PTPRD: variants seen among roughly 807,000 people sequenced by gnomAD.
PTPRD encodes the protein receptor-type tyrosine-protein phosphatase delta.
A neutral mutation model predicts 214.5 loss-of-function variants in PTPRD; 34 were observed. The ratio of observed to expected loss-of-function variants is 0.16; its 90% CI spans 0.12 to 0.21. The LOEUF is 0.21. PTPRD is among the 10% of genes least tolerant of loss of function. The probability of loss-of-function intolerance (pLI) is 1.00; values close to 1 mark genes in which losing one functional copy is unlikely to be tolerated. For synonymous variants in PTPRD, 1,128 were observed against 845.7 expected, an observed-to-expected ratio of 1.33 and a Z score of -5.79; for missense variants, 2,545 against 2,398.7, an observed-to-expected ratio of 1.06 and a Z score of -1.27.
chr9:8,354,220 G>C (rs2076405941), intron 39 of PTPRD, among the ~76,000 whole-genome samples: 1 of 150,914 alleles, frequency 6.6e-6, no homozygotes, highest in Non-Finnish European at 1.5e-5. Flanking sequence ...GTAATTATAA[G>C]GTGCTAGAAT....
At chr9:9,560,490 A>G (rs2082631048) in intron 8 of PTPRD, among the ~76,000 whole-genome samples, 1 of 152,176 alleles carries the variant, frequency 6.6e-6, no homozygotes, top group African/African-American at 2.4e-5. Context: ...CCACACTCAC[A>G]GGGAATCTGT....
At chr9:10,081,359 A>T (rs916288761) in intron 3 of PTPRD, among the ~76,000 whole-genome samples, 26 of 152,086 alleles carry the variant, frequency 1.7e-4, no homozygotes, top group African/African-American at 6.3e-4. Context: ...TTACAATTGG[A>T]CTGAACGCTT....
intron 37 of PTPRD, among the ~76,000 whole-genome samples, chr9:8,377,301 T>G (rs2083541414): frequency 6.6e-6 from 1 of 151,858 alleles, no homozygotes; most frequent in South Asian, 2.1e-4. Flanking sequence ...GGAAAAAGAG[T>G]TGTCTGTTCC....
chr9:10,246,276 T>G (rs1241226029), intron 3 of PTPRD, among the ~76,000 whole-genome samples: 1 of 152,190 alleles, frequency 6.6e-6, no homozygotes, highest in Non-Finnish European at 1.5e-5. Flanking sequence ...GGAGTTTCGC[T>G]CTTGTTGCCC....
intron 11 of PTPRD, among the ~76,000 whole-genome samples, chr9:8,980,055 A>G (rs938659443): frequency 6.6e-6 from 1 of 152,178 alleles, no homozygotes; most frequent in Non-Finnish European, 1.5e-5. Context: ...CCTCAAAAAA[A>G]GAAGGAAATC....
chr9:9,863,766 G>A (rs2063312090), intron 5 of PTPRD, among the ~76,000 whole-genome samples: 1 of 151,210 alleles, frequency 6.6e-6, no homozygotes, highest in Non-Finnish European at 1.5e-5. Flanking sequence ...ACTTCAGAAA[G>A]ACACTCTCTT....
intron 3 of PTPRD, among the ~76,000 whole-genome samples, chr9:10,096,867 T>C (rs1241926755): frequency 6.6e-6 from 1 of 152,046 alleles, no homozygotes; most frequent in Non-Finnish European, 1.5e-5. Flanking sequence ...GTTTTTATGC[T>C]TTTAGGTCTA....
intron 14 of PTPRD, among the ~76,000 whole-genome samples, chr9:8,582,045 A>C (rs949483985): frequency 5.3e-5 from 8 of 152,068 alleles, no homozygotes; most frequent in African/African-American, 1.9e-4. Context: ...GAGGGCACTG[A>C]TAACTTTCTA....
At position 9,347,657 on chromosome 9, in the gene PTPRD, A is replaced by T. The variant is rs143358895; in HGVS notation, c.-203+49792T>A. ...AGAAGAATATGGCTATAAGTTAAATATATAGCAGCAGATAATGGGGAAAAG... is the reference window on the plus strand; with the variant it reads ...AGAAGAATATGGCTATAAGTTAAATTTATAGCAGCAGATAATGGGGAAAAG... On this transcript the variant is annotated intron_variant, in intron 9 of 45. Transcript: ENST00000381196. 6.0e-3 allele frequency among the ~76,000 whole-genome samples: 911 copies of T among 152,276 alleles called. 6 individuals carry two copies. The highest frequency in any genetic ancestry group is 0.021 in the African/African-American group (876 of 41,560).
At chr9:9,512,416 G>A (rs543952930) in intron 8 of PTPRD, among the ~76,000 whole-genome samples, 2 of 151,914 alleles carry the variant, frequency 1.3e-5, no homozygotes, top group East Asian at 3.9e-4. Context: ...TGAAAAGGTA[G>A]AAGGGTTATC....
intron 3 of PTPRD, among the ~76,000 whole-genome samples, chr9:10,330,822 C>T (rs1458893540): frequency 6.6e-6 from 1 of 151,836 alleles, no homozygotes; most frequent in Non-Finnish European, 1.5e-5. Context: ...CCTTAAGCTC[C>T]TTTGATTCTC....
intron 10 of PTPRD, among the ~76,000 whole-genome samples, chr9:9,092,162 T>C (rs955777048): frequency 2.6e-5 from 4 of 152,188 alleles, no homozygotes; most frequent in African/African-American, 9.6e-5. Flanking sequence ...CATTTTCATG[T>C]TCTCTTCTTA....
intron 3 of PTPRD, among the ~76,000 whole-genome samples, chr9:10,316,347 T>C (rs1209070396): frequency 6.6e-6 from 1 of 151,768 alleles, no homozygotes; most frequent in Non-Finnish European, 1.5e-5. Context: ...ACCTTAGTTA[T>C]AGTAACAGAA....
At chr9:8,475,401 C>T (rs767123388) in intron 30 of PTPRD, among the ~76,000 whole-genome samples, 2 of 152,110 alleles carry the variant, frequency 1.3e-5, no homozygotes, top group East Asian at 1.9e-4. Context: ...TTATCATCTG[C>T]GGCCCAGCTA....
intron 11 of PTPRD, among the ~76,000 whole-genome samples, chr9:9,015,924 A>G (rs930024002): frequency 6.6e-6 from 1 of 152,122 alleles, no homozygotes; most frequent in Non-Finnish European, 1.5e-5. Context: ...GAGGAATGCC[A>G]ATAAGTAGAA....
intron 3 of PTPRD, among the ~76,000 whole-genome samples, chr9:10,337,091 AC>A: frequency 6.6e-6 from 1 of 151,882 alleles, no homozygotes; most frequent in Middle Eastern, 3.4e-3. Flanking sequence ...AAAAAAACAA[AC>A]AAAAAAGACA....
intron 12 of PTPRD, among the ~76,000 whole-genome samples, chr9:8,649,225 G>C (rs1378908103): frequency 6.6e-6 from 1 of 152,174 alleles, no homozygotes; most frequent in Admixed American, 6.5e-5. Context: ...CTTCACTTTA[G>C]AAACAGTAGT....
At chr9:8,329,153 C>CCAT (rs1837058945) in intron 44 of PTPRD, among the ~76,000 whole-genome samples, 1 of 151,944 alleles carries the variant, frequency 6.6e-6, no homozygotes, top group Admixed American at 6.6e-5. Context: ...TGGTTTCTCC[C>CCAT]CATCTTCGTG....
intron 2 of PTPRD, among the ~76,000 whole-genome samples, chr9:10,419,977 G>C (rs1337672796): frequency 1.3e-5 from 2 of 151,626 alleles, no homozygotes; most frequent in African/African-American, 4.8e-5. Context: ...TAGATAATCA[G>C]ATTTATAATT....
Sources: allele counts gnomAD v4.1 joint callset (sites outside exome capture counted in the v4.1 genomes callset), GRCh38; gene constraint gnomAD v4.1.1; transcripts MANE v1.5; gene names NCBI Gene and HGNC (gene_info 2026-07-23, HGNC 2026-07-21).